Variants in PDGFD observed in about 807,000 individuals in gnomAD.
The protein encoded by PDGFD is platelet-derived growth factor D.
A neutral mutation model predicts 44.7 loss-of-function variants in PDGFD; 30 were observed. The ratio of observed to expected loss-of-function variants is 0.67; its 90% CI spans 0.50 to 0.91. The LOEUF (loss-of-function observed/expected upper bound fraction) is 0.91. Among genes scored for constraint, PDGFD ranks in the 40% least tolerant of loss-of-function variants. The probability of loss-of-function intolerance (pLI) is 0.00; values close to 1 mark genes in which losing one functional copy is unlikely to be tolerated. For synonymous variants in PDGFD, 173 were observed against 168.4 expected (o/e 1.03, Z -0.21); for missense variants, 445 against 457.8 (o/e 0.97, Z 0.25).
At chr11:104,132,045 T>C (rs1177984159) in intron 1 of PDGFD, among the ~76,000 whole-genome samples, 1 of 151,692 alleles carries the variant, frequency 6.6e-6, no homozygotes, top group African/African-American at 2.4e-5. Flanking sequence ...GAGATTTACG[T>C]ACCTTCTGAC....
chr11:104,130,696 C>G (rs1235879338), intron 1 of PDGFD, among the ~76,000 whole-genome samples: 1 of 152,160 alleles, frequency 6.6e-6, no homozygotes, highest in African/African-American at 2.4e-5. Context: ...GAGCATGGCT[C>G]ATTTTTGTCA....
chr11:103,956,422 T>C (rs1858850634), intron 3 of PDGFD, among the ~76,000 whole-genome samples: 2 of 130,930 alleles, frequency 1.5e-5, no homozygotes, highest in Admixed American at 1.4e-4. Flanking sequence ...TAGTATTCCA[T>C]GGTGTATATG....
intron 1 of PDGFD, among the ~76,000 whole-genome samples, chr11:104,072,729 T>A (rs1351975675): frequency 6.6e-6 from 1 of 151,968 alleles, no homozygotes; most frequent in Non-Finnish European, 1.5e-5. Flanking sequence ...TATTTTATAA[T>A]ATGGAGTTCC....
chr11:104,084,121 C>T (rs180783283), intron 1 of PDGFD, among the ~76,000 whole-genome samples: 1 of 152,314 alleles, frequency 6.6e-6, no homozygotes, highest in Non-Finnish European at 1.5e-5. Flanking sequence ...TGCAACATCT[C>T]AAGTATGCTT....
At chr11:103,944,695 CAATT>C (rs745425896) in intron 4 of PDGFD, among the ~76,000 whole-genome samples, 1 of 152,162 alleles carries the variant, frequency 6.6e-6, no homozygotes. Context: ...GCCAAGCCCA[CAATT>C]TATAACCTTA....
chr11:104,045,487 A>T (rs1565319768), intron 1 of PDGFD, among the ~76,000 whole-genome samples: 1 of 152,122 alleles, frequency 6.6e-6, no homozygotes. Context: ...CAACAAAAAA[A>T]AGTGAGTACA....
chr11:103,935,105 G>A (rs771663019), intron 5 of PDGFD, among the ~76,000 whole-genome samples: 6 of 152,114 alleles, frequency 3.9e-5, no homozygotes, highest in Non-Finnish European at 5.9e-5. Context: ...TTCATCCGAC[G>A]CTAAAAGTTA....
intron 3 of PDGFD, among the ~76,000 whole-genome samples, chr11:103,995,114 C>G (rs1263278007): frequency 6.6e-6 from 1 of 152,036 alleles, no homozygotes; most frequent in Non-Finnish European, 1.5e-5. Flanking sequence ...TTCCTGGCTT[C>G]AAGAGATCCT....
Position 103,976,154 on chromosome 11 carries a change from T to C in PDGFD, c.510+19911A>G, listed in dbSNP as rs548924564. Among the ~76,000 whole-genome samples, 7 of 152,326 alleles carry C rather than the reference T, an allele frequency of 4.6e-5. No homozygotes were observed. In the South Asian group the frequency reaches 1.0e-3, roughly 23 times the overall value. On this transcript the variant is annotated intron_variant, in intron 3 of 6. Coordinates refer to ENST00000393158, the MANE Select transcript of PDGFD (RefSeq NM_025208.5). ...TATGGAATGTTTTTCCATCTGTTTG[T>C]GTCTTCTCTTATTTCCTTAAGCAGT...
intron 5 of PDGFD, among the ~76,000 whole-genome samples, 160 bp downstream of exon 5, chr11:103,943,292 A>C (rs1339161041): frequency 6.6e-6 from 1 of 152,164 alleles, no homozygotes; most frequent in Non-Finnish European, 1.5e-5. Flanking sequence ...TGGATTAGGG[A>C]TACTGAGCCA....
At chr11:103,995,985 G>T in intron 3 of PDGFD, 80 bp downstream of exon 3, 4 of 1,292,698 alleles carry the variant, frequency 3.1e-6, no homozygotes, top group Non-Finnish European at 3.2e-6. Flanking sequence ...CACCCTCACT[G>T]AATTTGATCA....
intron 3 of PDGFD, among the ~76,000 whole-genome samples, chr11:103,974,301 T>C (rs953642332): frequency 1.4e-4 from 22 of 152,086 alleles, no homozygotes; most frequent in Admixed American, 3.9e-4. Flanking sequence ...GGGACTAACA[T>C]TGGTGGAGCA....
chr11:104,100,468 A>T (rs927733046), intron 1 of PDGFD, among the ~76,000 whole-genome samples: 6 of 152,196 alleles, frequency 3.9e-5, no homozygotes, highest in African/African-American at 1.4e-4. Context: ...TGAGGCAATA[A>T]TTAATAGCTT....
intron 1 of PDGFD, among the ~76,000 whole-genome samples, chr11:104,103,960 G>A (rs527735643): frequency 3.2e-4 from 48 of 152,026 alleles, no homozygotes; most frequent in African/African-American, 1.1e-3. Context: ...AAGAAGATAC[G>A]GAGATGACAG....
intron 6 of PDGFD, 146 bp downstream of exon 6, chr11:103,926,766 C>T: frequency 2.4e-6 from 2 of 818,284 alleles, no homozygotes; most frequent in Non-Finnish European, 3.8e-6. Context: ...CTTGGCAAAC[C>T]TAGTGTGGGT....
rs1321004056 is a variant in PDGFD at position 103,966,984 on chromosome 11, C to T, written c.511-19260G>A. ...CGGCTAGGCTGAGGAAAAGTGAGGG[C>T]GGGGTGCCTCTCTTCTGGCTTCATT... is the stretch of plus-strand genomic sequence containing the variant. On this transcript the variant is annotated intron_variant, in intron 3 of 6. Transcript: ENST00000393158. Among the ~76,000 whole-genome samples, 7 of 152,144 alleles carry T rather than the reference C, an allele frequency of 4.6e-5. No individual in the cohort carries two copies. The South Asian group carries it at 8.3e-4, about 18-fold the overall frequency.
chr11:104,163,652 T>C lies in PDGFD; in HGVS notation c.124+152A>G, dbSNP rs1265061842. 4.4e-6 allele frequency: 4 copies of C among 899,012 alleles called. No individual in the cohort carries two copies. In the East Asian group the frequency reaches 1.2e-4, roughly 26 times the overall value. The allele number at this position is 899,012 out of a possible 1,614,324, so 55.7% of individuals were successfully genotyped here. On this transcript the variant is annotated intron_variant, in intron 1 of 6. Transcript: ENST00000393158. The stretch of plus-strand genomic sequence containing the variant: ...TCCGGAAATGGAGCTCTCTCAGGAC[T>C]GGATACAGGCAGGAGACCTCCCTCC...
intron 1 of PDGFD, among the ~76,000 whole-genome samples, chr11:104,098,861 A>G (rs1201311617): frequency 6.6e-6 from 1 of 152,100 alleles, no homozygotes; most frequent in African/African-American, 2.4e-5. Context: ...GCACAATGTT[A>G]TACAGAACTG....
chr11:103,912,239 G>A (rs868732876), intron 6 of PDGFD, among the ~76,000 whole-genome samples: 43 of 152,284 alleles, frequency 2.8e-4, no homozygotes, highest in Middle Eastern at 6.8e-3. Context: ...GAAAGGTTGG[G>A]TTACCCACAA....
Sources: gnomAD v4.1 joint callset for allele counts (sites outside exome capture counted in the v4.1 genomes callset) on GRCh38, gnomAD v4.1.1 for gene constraint, MANE v1.5 for transcripts, NCBI Gene and HGNC (gene_info 2026-07-23, HGNC 2026-07-21) for gene names.